Variants in KIF3C observed in about 807,000 individuals in gnomAD.
KIF3C encodes the protein kinesin-like protein KIF3C.
KIF3C carries 12 observed loss-of-function variants against 67.7 expected under a neutral mutation model. The ratio of observed to expected loss-of-function variants is 0.18; its 90% CI spans 0.11 to 0.29. The LOEUF is 0.29. Ranked by LOEUF, KIF3C falls within the 10% of genes least tolerant of loss-of-function variation. The pLI is 1.00. For missense variants in KIF3C, 789 were observed against 1,059.6 expected (o/e 0.74, Z 3.55); for synonymous variants, 393 against 426.2 (o/e 0.92, Z 0.96).
intron 5 of KIF3C, among the ~76,000 whole-genome samples, chr2:25,947,082 G>A (rs759673033): frequency 2.0e-5 from 3 of 152,134 alleles, no homozygotes; most frequent in Non-Finnish European, 4.4e-5. Flanking sequence ...TTGAATCCGG[G>A]AGGTGGAGGT....
intron 1 of KIF3C, among the ~76,000 whole-genome samples, chr2:25,960,010 C>T (rs548907649): frequency 1.4e-4 from 21 of 152,280 alleles, no homozygotes; most frequent in African/African-American, 4.8e-4. Flanking sequence ...CCTTCATTTT[C>T]CCCAGCATTT....
At chr2:25,930,211 G>A in intron 5 of KIF3C, 148 bp from the exon 6 acceptor site, 1 of 640,140 alleles carries the variant, frequency 1.6e-6, no homozygotes. Flanking sequence ...AATACAGCTT[G>A]ACAACTGAAG....
intron 5 of KIF3C, among the ~76,000 whole-genome samples, chr2:25,937,719 A>G (rs1182740987): frequency 6.6e-6 from 1 of 152,124 alleles, no homozygotes; most frequent in Non-Finnish European, 1.5e-5. Context: ...GCAATTAGGG[A>G]GAGACTAGGA....
rs187283117 is a variant in KIF3C, at chr2:25,955,009, T to C, written c.1770+532A>G. On this transcript the variant is annotated intron_variant, in intron 3 of 7. Coordinates refer to ENST00000264712, the MANE Select transcript of KIF3C (RefSeq NM_002254.8). The surrounding 1 kb of genome is among the most constrained non-coding windows in gnomAD (Gnocchi z 5.0). ...CCACCCCGAAGGGCCTCCAGGTTTT[T>C]CCCAGAATCCAAGCTAGAGCTTTGC... is the stretch of plus-strand genomic sequence containing the variant. Among the ~76,000 whole-genome samples the C allele has an allele frequency of 1.7e-3, 263 of 152,284 alleles. 2 individuals are homozygous for C. The highest frequency in any genetic ancestry group is 6.1e-3 in the African/African-American group (253 of 41,554).
chr2:25,956,676 C>T (rs1663814470), intron 1 of KIF3C, among the ~76,000 whole-genome samples: 1 of 152,144 alleles, frequency 6.6e-6, no homozygotes, highest in African/African-American at 2.4e-5. Context: ...GAGGGTGCCC[C>T]TCGGGGAATC....
chr2:25,963,194 ATATTTTTTTT>A (rs1480866790), intron 1 of KIF3C, among the ~76,000 whole-genome samples: 10 of 52,848 alleles, frequency 1.9e-4, no homozygotes, highest in South Asian at 1.7e-3. Flanking sequence ...ATATATATAT[ATATTTTTTTT>A]TTTTTTTTTT....
intron 4 of KIF3C, among the ~76,000 whole-genome samples, chr2:25,953,053 G>A (rs1663667423): frequency 6.6e-6 from 1 of 151,750 alleles, no homozygotes; most frequent in Non-Finnish European, 1.5e-5. Context: ...CGGATCACCT[G>A]AGGTCAGGAG....
At chr2:25,965,157 A>G (rs1248083085) in intron 1 of KIF3C, among the ~76,000 whole-genome samples, 1 of 152,148 alleles carries the variant, frequency 6.6e-6, no homozygotes, top group Non-Finnish European at 1.5e-5. Context: ...CTTATCAGTC[A>G]CTGGCCAAGT....
chr2:25,945,644 T>C (rs1663413003), intron 5 of KIF3C, among the ~76,000 whole-genome samples: 1 of 151,180 alleles, frequency 6.6e-6, no homozygotes. Context: ...TCCCAGCACT[T>C]TGGGAAGCTG....
chr2:25,960,079 A>G (rs34654780), intron 1 of KIF3C, among the ~76,000 whole-genome samples: 17,980 of 152,004 alleles, frequency 0.12, 1,354 homozygotes, highest in African/African-American at 0.2. Context: ...CTCAAATATC[A>G]CTGCATGTTA....
At chr2:25,966,361 C>A (rs1664140866) in intron 1 of KIF3C, among the ~76,000 whole-genome samples, 1 of 152,204 alleles carries the variant, frequency 6.6e-6, no homozygotes, top group African/African-American at 2.4e-5. Flanking sequence ...CCACCTTGAC[C>A]TTCCAAAGTG....
At position 25,980,878 on chromosome 2, in the gene KIF3C, T is replaced by C. The variant is rs1227023522; in HGVS notation, c.1040A>G (p.His347Arg). 1.9e-6 allele frequency: 3 copies of C among 1,614,106 alleles called. No homozygotes were observed. The highest frequency in any genetic ancestry group is 2.5e-6 in the Non-Finnish European group (3 of 1,179,938). Reference sequence around the variant, plus strand: ...GGTGGAGAGGCTCTCATCGTAGCTGTGAGAAGCTGGCCCCAGTGTGGCTAC... The same window carrying C: ...GGTGGAGAGGCTCTCATCGTAGCTGCGAGAAGCTGGCCCCAGTGTGGCTAC... ...IMVATLGPAS[H>R]SYDESLSTLR... Residue 347 changes from histidine to arginine, a missense_variant, in exon 1 of 8, where the codon CAC (histidine) becomes CGC (arginine). Transcript: ENST00000264712. The surrounding 1 kb of genome is among the most constrained non-coding windows in gnomAD (Gnocchi z 7.6).
At chr2:25,965,695 C>T (rs545965128) in intron 1 of KIF3C, among the ~76,000 whole-genome samples, 35 of 151,788 alleles carry the variant, frequency 2.3e-4, no homozygotes, top group Admixed American at 2.0e-3. Context: ...AATCCCTGAG[C>T]CTAATTCAGT....
intron 4 of KIF3C, 33 bp from the exon 5 acceptor site, chr2:25,951,938 TG>T: frequency 6.9e-7 from 1 of 1,459,106 alleles, no homozygotes; most frequent in Non-Finnish European, 9.6e-7. Context: ...GATGGGAAAA[TG>T]GGTGAGCGAG....
intron 1 of KIF3C, among the ~76,000 whole-genome samples, chr2:25,978,552 G>A (rs910146291): frequency 3.3e-5 from 5 of 152,102 alleles, no homozygotes; most frequent in African/African-American, 1.2e-4. Context: ...TGCCTCTGGT[G>A]CAAGAATTCT....
At chr2:25,948,105 T>C (rs1056926272) in intron 5 of KIF3C, among the ~76,000 whole-genome samples, 1 of 152,118 alleles carries the variant, frequency 6.6e-6, no homozygotes, top group Non-Finnish European at 1.5e-5. Context: ...GCCTGCTGGT[T>C]CAAGCTACTT....
At chr2:25,930,137 T>TG in intron 5 of KIF3C, 74 bp from the exon 6 acceptor site, 11 of 1,211,350 alleles carry the variant, frequency 9.1e-6, no homozygotes, top group Non-Finnish European at 1.3e-5. Context: ...AGGACCTAAA[T>TG]ATCATTCAGG....
chr2:25,940,284 C>G (rs1332047192), intron 5 of KIF3C, among the ~76,000 whole-genome samples: 3 of 152,102 alleles, frequency 2.0e-5, no homozygotes, highest in African/African-American at 7.2e-5. Context: ...AAAACTTACT[C>G]AAGGCCAGGC....
chr2:25,979,454 T>C (rs1350161223), intron 1 of KIF3C, among the ~76,000 whole-genome samples: 2 of 152,064 alleles, frequency 1.3e-5, no homozygotes, highest in Non-Finnish European at 2.9e-5. Flanking sequence ...ATCAGATAGG[T>C]AGAGCCTCAG....
Sources: allele counts gnomAD v4.1 joint callset (sites outside exome capture counted in the v4.1 genomes callset), GRCh38; gene constraint gnomAD v4.1.1; non-coding constraint Gnocchi (gnomAD v3.1); transcripts MANE v1.5; gene names NCBI Gene and HGNC (gene_info 2026-07-23, HGNC 2026-07-21).